GSE1: variants seen among roughly 807,000 people sequenced by gnomAD.
The protein encoded by GSE1 is Gse1 coiled-coil protein, also known as genetic suppressor element 1.
In GSE1, 32 loss-of-function variants were observed where a neutral mutation model predicts 112.6. That is an observed-to-expected ratio of 0.28 (90% CI 0.21 to 0.38). The LOEUF (loss-of-function observed/expected upper bound fraction) is 0.38. GSE1 is among the 10% of genes least tolerant of loss of function. The pLI is 1.00. For missense variants in GSE1, 2,348 were observed against 1,699.2 expected (o/e 1.38, Z -6.71); for synonymous variants, 1,115 against 735.6 (o/e 1.52, Z -8.35).
intron 2 of GSE1, among the ~76,000 whole-genome samples, chr16:85,514,086 G>A (rs947033846): frequency 2.0e-5 from 3 of 151,984 alleles, no homozygotes; most frequent in African/African-American, 7.3e-5. Flanking sequence ...TCCCTTGGGT[G>A]CAGAGGTCAG....
At chr16:85,172,032 G>A (rs1309655095) in intron 1 of GSE1, among the ~76,000 whole-genome samples, 1 of 152,228 alleles carries the variant, frequency 6.6e-6, no homozygotes, top group East Asian at 1.9e-4. Context: ...GAGGAGTGGG[G>A]ATCAGGAGTG....
chr16:85,534,022 G>A (rs1001181954), intron 2 of GSE1, among the ~76,000 whole-genome samples: 1 of 151,952 alleles, frequency 6.6e-6, no homozygotes, highest in African/African-American at 2.4e-5. Flanking sequence ...ACTCCAGAAC[G>A]TTCCTTCTCA....
At chr16:85,632,159 G>A (rs1441487974) in intron 1 of GSE1, among the ~76,000 whole-genome samples, 1 of 152,180 alleles carries the variant, frequency 6.6e-6, no homozygotes, top group East Asian at 1.9e-4. Context: ...TCCACCCCTG[G>A]CCCCTCCAGA....
intron 1 of GSE1, among the ~76,000 whole-genome samples, chr16:85,291,095 C>T (rs1176872467): frequency 6.6e-6 from 1 of 152,252 alleles, no homozygotes; most frequent in South Asian, 2.1e-4. Flanking sequence ...GGAATCCTTA[C>T]AGCAGCCCTG....
At chr16:85,229,599 C>G (rs906342612) in intron 1 of GSE1, among the ~76,000 whole-genome samples, 1 of 152,232 alleles carries the variant, frequency 6.6e-6, no homozygotes, top group Non-Finnish European at 1.5e-5. Context: ...CGAAACTTGC[C>G]TGAGGTCACA....
intron 1 of GSE1, among the ~76,000 whole-genome samples, chr16:85,260,119 C>A (rs558799225): frequency 7.2e-5 from 11 of 152,184 alleles, no homozygotes; most frequent in Admixed American, 6.5e-5. Flanking sequence ...CATGGGCAGC[C>A]CCCCCGCAGC....
intron 1 of GSE1, among the ~76,000 whole-genome samples, chr16:85,619,035 G>A (rs2048557592): frequency 6.6e-6 from 1 of 152,200 alleles, no homozygotes; most frequent in Non-Finnish European, 1.5e-5. Flanking sequence ...TGTTGGGGGT[G>A]GCCCCTTTTC....
chr16:85,219,481 G>C (rs2075356466), intron 1 of GSE1, among the ~76,000 whole-genome samples: 1 of 152,172 alleles, frequency 6.6e-6, no homozygotes, highest in Non-Finnish European at 1.5e-5. Flanking sequence ...GTCCTACCTG[G>C]TCAGGGAGCC....
chr16:85,556,452 G>A (rs1377509050), intron 1 of GSE1: 6 of 513,586 alleles, frequency 1.2e-5, no homozygotes, highest in African/African-American at 2.1e-5. Context: ...CCAGACCCCC[G>A]AGCCAGGGTC....
intron 1 of GSE1, among the ~76,000 whole-genome samples, chr16:85,577,859 G>A (rs954624754): frequency 6.6e-6 from 1 of 152,230 alleles, no homozygotes; most frequent in Non-Finnish European, 1.5e-5. Context: ...CCAGCATTTT[G>A]CATTTCTCAG....
chr16:85,217,639 C>T lies in GSE1; in HGVS notation c.2283+45832C>T, dbSNP rs748789291. Reference sequence around the variant, plus strand: ...GTTAAATGCGTGAATACATGGAGAGCGTTCAGGACAGGGCCTGTGGGAGGA... The same window carrying T: ...GTTAAATGCGTGAATACATGGAGAGTGTTCAGGACAGGGCCTGTGGGAGGA... On this transcript the variant is annotated intron_variant, in intron 1 of 2. Coordinates refer to the GSE1 transcript ENST00000637419. Among the ~76,000 whole-genome samples, 60 of 152,156 alleles carry T rather than the reference C, an allele frequency of 3.9e-4. 1 individual carries two copies. Among genetic ancestry groups the T allele is most frequent in the South Asian group, 2.1e-4 (1 of 4,822 alleles).
chr16:85,516,532 G>A (rs116566407), intron 2 of GSE1, among the ~76,000 whole-genome samples: 1,666 of 139,906 alleles, frequency 0.012, 36 homozygotes, highest in African/African-American at 0.038. Flanking sequence ...TTTGCACTGA[G>A]ACATGATGGC....
intron 1 of GSE1, among the ~76,000 whole-genome samples, chr16:85,254,136 C>T (rs1039168706): frequency 5.9e-5 from 9 of 152,204 alleles, no homozygotes; most frequent in Non-Finnish European, 1.2e-4. Context: ...CTCATCTCAC[C>T]TCTCGGGATC....
At chr16:85,254,397 C>T (rs751246337) in intron 1 of GSE1, among the ~76,000 whole-genome samples, 30 of 152,188 alleles carry the variant, frequency 2.0e-4, no homozygotes, top group Non-Finnish European at 3.4e-4. Flanking sequence ...AAGAAGTTGT[C>T]CCCTAGCCTC....
At chr16:85,382,937 A>ATG (rs2047587219) in intron 2 of GSE1, among the ~76,000 whole-genome samples, 1 of 150,062 alleles carries the variant, frequency 6.7e-6, no homozygotes, top group Non-Finnish European at 1.5e-5. Flanking sequence ...CGCGCACACA[A>ATG]CACGTACACA....
chr16:85,648,614 G>T lies in GSE1; in HGVS notation c.289G>T (p.Ala97Ser). The T allele has an allele frequency of 6.2e-7, 1 of 1,604,870 alleles. No homozygotes were observed. Among genetic ancestry groups the T allele is most frequent in the Non-Finnish European group, 8.5e-7 (1 of 1,175,694 alleles). The change falls in exon 3 of 16, where the codon GCC becomes TCC. Residue 97 changes from alanine (A) to serine (S), a missense_variant. Transcript: ENST00000253458. ...TCCGGCCACCAACCACAGCTCCCCCGCCAGCACACCCAAGCGCGTGCCCAT... is the reference window on the plus strand; with the variant it reads ...TCCGGCCACCAACCACAGCTCCCCCTCCAGCACACCCAAGCGCGTGCCCAT... ...SSPATNHSSP[A>S]STPKRVPMGP...
chr16:85,519,506 CCGGTCTCCATCATCATCACCTT>C (rs1567555625), intron 2 of GSE1, among the ~76,000 whole-genome samples: 4 of 9,542 alleles, frequency 4.2e-4, no homozygotes, highest in Admixed American at 1.1e-3. Context: ...ATCACCATCA[CCGGTCTCCATCATCATCACCTT>C]CACCACCATC....
chr16:85,572,925 A>G (rs1173045321), intron 1 of GSE1, among the ~76,000 whole-genome samples: 1 of 152,218 alleles, frequency 6.6e-6, no homozygotes, highest in Non-Finnish European at 1.5e-5. Context: ...ACTGGAGTGC[A>G]GTGGCGCTGT....
intron 2 of GSE1, among the ~76,000 whole-genome samples, chr16:85,480,000 A>T (rs1004676466): frequency 6.6e-6 from 1 of 152,242 alleles, no homozygotes; most frequent in African/African-American, 2.4e-5. Flanking sequence ...GAGGCCACAC[A>T]GCGGCCATGA....
Sources: allele counts gnomAD v4.1 joint callset (sites outside exome capture counted in the v4.1 genomes callset), GRCh38; gene constraint gnomAD v4.1.1; transcripts MANE v1.5; gene names NCBI Gene and HGNC (gene_info 2026-07-23, HGNC 2026-07-21).